Variants in DMD observed in about 807,000 individuals in gnomAD.
DMD encodes mutant dystrophin.
Under a neutral mutation model 330.1 loss-of-function variants are expected in DMD, and 63 were observed. That is an observed-to-expected ratio of 0.19 (90% CI 0.16 to 0.24). The LOEUF (loss-of-function observed/expected upper bound fraction) is 0.24, where lower values mean the gene tolerates loss of function less well. Ranked by LOEUF, DMD falls within the 10% of genes least tolerant of loss-of-function variation. DMD has a pLI of 1.00. For missense variants in DMD, 3,344 were observed against 2,684.1 expected (o/e 1.25, Z -5.43); for synonymous variants, 1,223 against 959.8 (o/e 1.27, Z -5.07).
intron 1 of DMD, among the ~76,000 whole-genome samples, chrX:33,164,175 C>T (rs1169591544): frequency 3.6e-5 from 4 of 111,465 alleles, no homozygotes; most frequent in Non-Finnish European, 7.5e-5. Flanking sequence ...GTATTACACA[C>T]AAAATAGTGG....
chrX:31,910,719 G>A (rs2094537077), intron 47 of DMD, among the ~76,000 whole-genome samples: 1 of 111,638 alleles, frequency 9.0e-6, no homozygotes, highest in Non-Finnish European at 1.9e-5. Flanking sequence ...CAGATTTAGA[G>A]ATTGGTGGTA....
At chrX:32,791,284 C>G (rs2075801313) in intron 7 of DMD, among the ~76,000 whole-genome samples, 1 of 111,825 alleles carries the variant, frequency 8.9e-6, no homozygotes, top group Non-Finnish European at 1.9e-5. Flanking sequence ...ACCTGTGTAC[C>G]CACCCAGCCC....
At chrX:32,562,819 C>T (rs746560874) in intron 16 of DMD, among the ~76,000 whole-genome samples, 110 of 111,349 alleles carry the variant, frequency 9.9e-4, no homozygotes, top group African/African-American at 3.5e-3. Context: ...TTTCTCTTTT[C>T]CTGAGTAGCT....
At position 32,463,612 on chromosome X, in the gene DMD, T is replaced by C; in HGVS notation, c.3277-18A>G. The C allele has an allele frequency of 2.7e-6, 3 of 1,111,985 alleles. No individual in the cohort carries two copies. Among genetic ancestry groups the C allele is most frequent in the Non-Finnish European group, 3.6e-6 (3 of 841,851 alleles). The allele number at this position is 1,111,985 out of a possible 1,213,427, so 91.6% of individuals were successfully genotyped here. On this transcript the variant is annotated intron_variant, in intron 24 of 78. Coordinates refer to ENST00000357033, the MANE Select transcript of DMD (RefSeq NM_004006.3). ...ACTAAAAGCTAAGAAAATAAATCAA[T>C]TTAAGCCAGCTGAAAAAAATTACTG...
intron 1 of DMD, among the ~76,000 whole-genome samples, chrX:33,131,296 T>C (rs2095498103): frequency 9.0e-6 from 1 of 110,844 alleles, no homozygotes; most frequent in African/African-American, 3.3e-5. Context: ...CTGAAGAACT[T>C]CTTTAAGAAA....
chrX:31,960,687 T>C (rs2095294658), intron 45 of DMD, among the ~76,000 whole-genome samples: 1 of 112,243 alleles, frequency 8.9e-6, no homozygotes, highest in Non-Finnish European at 1.9e-5. Flanking sequence ...GTATCATCAT[T>C]ACCAGCCAAT....
chrX:31,727,171 A>G lies in DMD; in HGVS notation c.7660+2460T>C, dbSNP rs187095270. Among the ~76,000 whole-genome samples, 388 of 112,309 alleles carry G rather than the reference A, an allele frequency of 3.5e-3. 4 individuals are homozygous for G. The highest frequency in any genetic ancestry group is 0.02 in the Admixed American group (208 of 10,601). Reference sequence around the variant, plus strand: ...ATGACTCTCTGTATAGTATGTTCAGATTTGCATAAACCTCACTGCCAAATT... The same window carrying G: ...ATGACTCTCTGTATAGTATGTTCAGGTTTGCATAAACCTCACTGCCAAATT... On this transcript the variant is annotated intron_variant, in intron 52 of 78. Transcript: ENST00000357033.
chrX:32,867,231 G>A (rs1412711122), intron 2 of DMD, among the ~76,000 whole-genome samples: 3 of 110,031 alleles, frequency 2.7e-5, no homozygotes, highest in Non-Finnish European at 3.8e-5. Context: ...TGTCACTTTA[G>A]ATAAAAAGTG....
intron 60 of DMD, among the ~76,000 whole-genome samples, chrX:31,428,297 G>A (rs987092927): frequency 9.0e-6 from 1 of 110,643 alleles, no homozygotes; most frequent in African/African-American, 3.3e-5. Flanking sequence ...GTTTAAAAGA[G>A]TGTGGCACCT....
intron 29 of DMD, among the ~76,000 whole-genome samples, chrX:32,428,452 C>A (rs1418197453): frequency 3.6e-5 from 4 of 111,675 alleles, no homozygotes; most frequent in Admixed American, 9.5e-5. Flanking sequence ...TCCACCTTAT[C>A]AACTGTTAAT....
chrX:33,011,543 A>G (rs1475330638), intron 2 of DMD, among the ~76,000 whole-genome samples: 1 of 112,280 alleles, frequency 8.9e-6, no homozygotes, highest in Non-Finnish European at 1.9e-5. Flanking sequence ...TTTCTATTGC[A>G]TTAAAGATTA....
At chrX:31,467,334 G>A (rs1193164009) in intron 59 of DMD, among the ~76,000 whole-genome samples, 2 of 111,395 alleles carry the variant, frequency 1.8e-5, no homozygotes, top group Non-Finnish European at 3.8e-5. Context: ...TTTGAGATAC[G>A]TTCCATCAGT....
At chrX:32,580,819 T>A (rs1032004092) in intron 13 of DMD, among the ~76,000 whole-genome samples, 1 of 111,612 alleles carries the variant, frequency 9.0e-6, no homozygotes, top group African/African-American at 3.3e-5. Flanking sequence ...CATATTCCAA[T>A]AGGTATCCTT....
chrX:32,936,905 G>A (rs185693034), intron 2 of DMD, among the ~76,000 whole-genome samples: 11 of 111,779 alleles, frequency 9.8e-5, no homozygotes, highest in Non-Finnish European at 1.5e-4. Context: ...CAAAAAACGT[G>A]TAATGCTTTA....
intron 27 of DMD, among the ~76,000 whole-genome samples, chrX:32,441,964 C>A (rs187325395): frequency 9.1e-6 from 1 of 110,312 alleles, no homozygotes; most frequent in East Asian, 2.8e-4. Flanking sequence ...GGTATATTAT[C>A]GGAAATATTA....
intron 19 of DMD, among the ~76,000 whole-genome samples, chrX:32,495,965 T>C (rs1021859270): frequency 1.8e-5 from 2 of 112,017 alleles, no homozygotes; most frequent in African/African-American, 3.2e-5. Context: ...TCATAATCCA[T>C]TCACATCTCA....
In DMD at chrX:32,468,342, G is replaced by A. The variant is rs138099194; in HGVS notation, c.3162+156C>T. Reference sequence around the variant, plus strand: ...TTTTCCTAGAAGGAATAAGCAAATCGCCATCCTTTGTAAAAGACTCATGTC... The same window carrying A: ...TTTTCCTAGAAGGAATAAGCAAATCACCATCCTTTGTAAAAGACTCATGTC... On this transcript the variant is annotated intron_variant, in intron 23 of 78. Transcript: ENST00000357033. Among the ~76,000 whole-genome samples, 791 of 110,889 alleles carry A rather than the reference G, an allele frequency of 7.1e-3. 6 individuals carry two copies. Among genetic ancestry groups the A allele is most frequent in the African/African-American group, 0.024 (734 of 30,583 alleles).
chrX:33,033,704 C>T (rs1163276147), intron 1 of DMD, among the ~76,000 whole-genome samples: 1 of 108,739 alleles, frequency 9.2e-6, no homozygotes, highest in Non-Finnish European at 1.9e-5. Context: ...GGCGACAGAG[C>T]GAGACTCCGT....
intron 1 of DMD, among the ~76,000 whole-genome samples, chrX:33,039,724 A>ATGAT (rs1243621446): frequency 9.0e-6 from 1 of 111,296 alleles, no homozygotes; most frequent in African/African-American, 3.3e-5. Flanking sequence ...GGTAACTGTA[A>ATGAT]TGATTAACAT....
Sources: gnomAD v4.1 joint callset for allele counts (sites outside exome capture counted in the v4.1 genomes callset) on GRCh38, gnomAD v4.1.1 for gene constraint, MANE v1.5 for transcripts, NCBI Gene and HGNC (gene_info 2026-07-23, HGNC 2026-07-21) for gene names.